Variants in SCD5 observed in about 807,000 individuals in gnomAD.
The protein encoded by SCD5 is stearoyl-CoA desaturase 5, also known as acyl-CoA-desaturase 4.
SCD5 carries 20 observed loss-of-function variants against 30.4 expected under a neutral mutation model. That is an observed-to-expected ratio of 0.66 (90% CI 0.46 to 0.96). SCD5 has a LOEUF of 0.96. Among genes scored for constraint, SCD5 ranks in the 40% least tolerant of loss-of-function variants. SCD5 has a pLI of 0.00. For synonymous variants in SCD5, 173 were observed against 176.4 expected, an observed-to-expected ratio of 0.98 and a Z score of 0.16; for missense variants, 381 against 443.3, an observed-to-expected ratio of 0.86 and a Z score of 1.26.
chr4:82,771,572 A>T (rs1279550405), intron 1 of SCD5, among the ~76,000 whole-genome samples: 1 of 152,224 alleles, frequency 6.6e-6, no homozygotes, highest in African/African-American at 2.4e-5. Context: ...TGACTCAAAG[A>T]AGTAAATATT....
chr4:82,771,625 G>C (rs1013335405), intron 1 of SCD5, among the ~76,000 whole-genome samples: 9 of 150,476 alleles, frequency 6.0e-5, no homozygotes, highest in African/African-American at 2.0e-4. Flanking sequence ...GGAGGTTGTA[G>C]TGTTCAAATC....
intron 1 of SCD5, among the ~76,000 whole-genome samples, chr4:82,716,173 CA>C (rs1463898472): frequency 6.6e-6 from 1 of 151,678 alleles, no homozygotes; most frequent in Non-Finnish European, 1.5e-5. Flanking sequence ...TCAAATAACA[CA>C]AAGCTTCTCT....
chr4:82,691,126 A>G (rs1728825960), intron 2 of SCD5, among the ~76,000 whole-genome samples: 1 of 152,176 alleles, frequency 6.6e-6, no homozygotes, highest in Admixed American at 6.5e-5. Flanking sequence ...CCCAGGTTCA[A>G]GTGATTTTCC....
At chr4:82,704,298 C>T (rs889780120) in intron 2 of SCD5, among the ~76,000 whole-genome samples, 5 of 152,200 alleles carry the variant, frequency 3.3e-5, no homozygotes, top group Admixed American at 2.6e-4. Context: ...TCACCCGTCT[C>T]CCTGGACTCT....
intron 1 of SCD5, among the ~76,000 whole-genome samples, chr4:82,722,887 G>A (rs1405031081): frequency 6.6e-6 from 1 of 152,018 alleles, no homozygotes; most frequent in Non-Finnish European, 1.5e-5. Context: ...CGCCAACGTA[G>A]TGAAACCCCG....
At chr4:82,684,078 TACA>T (rs1359588626) in intron 2 of SCD5, among the ~76,000 whole-genome samples, 1 of 152,168 alleles carries the variant, frequency 6.6e-6, no homozygotes, top group Non-Finnish European at 1.5e-5. Context: ...TTAATTATAA[TACA>T]ACAACAATGA....
chr4:82,723,586 A>G (rs1350393990), intron 1 of SCD5, among the ~76,000 whole-genome samples: 2 of 152,252 alleles, frequency 1.3e-5, no homozygotes, highest in Non-Finnish European at 2.9e-5. Flanking sequence ...GATAAAGCTT[A>G]AAAATTAAAA....
At chr4:82,754,312 C>A (rs1486569704) in intron 1 of SCD5, among the ~76,000 whole-genome samples, 1 of 152,240 alleles carries the variant, frequency 6.6e-6, no homozygotes, top group Non-Finnish European at 1.5e-5. Context: ...TGCTTTTCAA[C>A]CTCCTCAGTT....
intron 1 of SCD5, among the ~76,000 whole-genome samples, chr4:82,719,605 G>C (rs1435648750): frequency 1.3e-5 from 2 of 150,254 alleles, no homozygotes; most frequent in Admixed American, 6.6e-5. Context: ...CCAGGTTCAC[G>C]CCATTCTCCT....
intron 1 of SCD5, among the ~76,000 whole-genome samples, chr4:82,714,506 T>A (rs573000700): frequency 6.6e-6 from 1 of 152,130 alleles, no homozygotes; most frequent in East Asian, 1.9e-4. Flanking sequence ...CATGAGCTCA[T>A]GAAGGAGGGA....
intron 1 of SCD5, among the ~76,000 whole-genome samples, chr4:82,732,945 A>T (rs1460736216): frequency 6.6e-6 from 1 of 152,182 alleles, no homozygotes; most frequent in Non-Finnish European, 1.5e-5. Flanking sequence ...TGTCACTACC[A>T]GTCTAGTAGA....
chr4:82,724,768 A>G (rs111229126), intron 1 of SCD5, among the ~76,000 whole-genome samples: 3 of 152,332 alleles, frequency 2.0e-5, no homozygotes, highest in African/African-American at 7.2e-5. Context: ...GACAGGTGAT[A>G]GATACCCTGA....
intron 1 of SCD5, among the ~76,000 whole-genome samples, chr4:82,760,594 C>T (rs1721342599): frequency 1.3e-5 from 2 of 152,018 alleles, no homozygotes; most frequent in African/African-American, 2.4e-5. Flanking sequence ...AGGGTTTCAC[C>T]ATGTTGCCCA....
intron 3 of SCD5, among the ~76,000 whole-genome samples, chr4:82,663,763 G>A (rs1434794411): frequency 6.6e-6 from 1 of 152,186 alleles, no homozygotes; most frequent in Non-Finnish European, 1.5e-5. Flanking sequence ...AAAATTGTTT[G>A]TCTCTGGGAG....
At position 82,766,161 on chromosome 4, in the gene SCD5, G is replaced by A. The variant is rs559735892; in HGVS notation, c.232+32145C>T. Among the ~76,000 whole-genome samples the A allele has an allele frequency of 6.5e-3, 983 of 152,202 alleles. 11 individuals carry two copies. Among genetic ancestry groups the A allele is most frequent in the African/African-American group, 0.023 (935 of 41,530 alleles). ...TTAAATCAAATTTGAAAATATTTTAGCCAGTGTTTCTTCAAATATTTTTCC... is the reference window on the plus strand; with the variant it reads ...TTAAATCAAATTTGAAAATATTTTAACCAGTGTTTCTTCAAATATTTTTCC... On this transcript the variant is annotated intron_variant, in intron 1 of 4. Transcript: ENST00000319540.
At chr4:82,758,059 T>A (rs183780038) in intron 1 of SCD5, among the ~76,000 whole-genome samples, 1 of 152,248 alleles carries the variant, frequency 6.6e-6, no homozygotes, top group Admixed American at 6.5e-5. Context: ...AGTGAGTGCA[T>A]CTCTGTGAGG....
intron 1 of SCD5, among the ~76,000 whole-genome samples, chr4:82,710,401 G>A (rs979862439): frequency 1.3e-5 from 2 of 152,146 alleles, no homozygotes; most frequent in Non-Finnish European, 2.9e-5. Context: ...ATCCTTTCAT[G>A]TGAACTCAGA....
chr4:82,657,699 A>G (rs1727892964), intron 3 of SCD5, among the ~76,000 whole-genome samples: 1 of 152,112 alleles, frequency 6.6e-6, no homozygotes, highest in African/African-American at 2.4e-5. Flanking sequence ...CAGTATGGCC[A>G]TTTTCACAAT....
intron 1 of SCD5, among the ~76,000 whole-genome samples, chr4:82,745,900 T>C (rs1358950854): frequency 6.6e-6 from 1 of 152,202 alleles, no homozygotes; most frequent in Non-Finnish European, 1.5e-5. Flanking sequence ...CTTTGCCAAA[T>C]ACTGGCCATA....
Sources: allele counts gnomAD v4.1 joint callset (sites outside exome capture counted in the v4.1 genomes callset), GRCh38; gene constraint gnomAD v4.1.1; transcripts MANE v1.5; gene names NCBI Gene and HGNC (gene_info 2026-07-23, HGNC 2026-07-21).